The following ATRN variants were observed in gnomAD, a reference collection of about 807,000 sequenced individuals.
The protein encoded by ATRN is attractin.
A neutral mutation model predicts 178.7 loss-of-function variants in ATRN; 54 were observed. The observed-to-expected ratio is 0.30, with a 90% CI of 0.24 to 0.38. The LOEUF (loss-of-function observed/expected upper bound fraction) is 0.38, where lower values mean the gene tolerates loss of function less well. Ranked by LOEUF, ATRN falls within the 10% of genes least tolerant of loss-of-function variation. ATRN has a pLI of 1.00. For synonymous variants in ATRN, 636 were observed against 663.0 expected (o/e 0.96, Z 0.63); for missense variants, 1,443 against 1,815.1 (o/e 0.79, Z 3.73).
At chr20:3,497,163 T>C (rs1483724362) in intron 1 of ATRN, among the ~76,000 whole-genome samples, 1 of 148,672 alleles carries the variant, frequency 6.7e-6, no homozygotes, top group Non-Finnish European at 1.5e-5. Flanking sequence ...CCATTTACAT[T>C]TAAAGTTAAT....
chr20:3,526,135 G>A (rs2085361162), intron 1 of ATRN, among the ~76,000 whole-genome samples: 1 of 152,182 alleles, frequency 6.6e-6, no homozygotes, highest in African/African-American at 2.4e-5. Flanking sequence ...TGACATGATT[G>A]TATATTTAGA....
intron 1 of ATRN, among the ~76,000 whole-genome samples, chr20:3,527,922 G>T (rs2085392115): frequency 6.6e-6 from 1 of 151,934 alleles, no homozygotes; most frequent in Admixed American, 6.6e-5. Context: ...CTGTTGGGAG[G>T]GTGGGGGGCT....
At chr20:3,646,587 T>G (rs1311320821) in intron 28 of ATRN, 136 bp from the exon 29 acceptor site, 2 of 1,261,856 alleles carry the variant, frequency 1.6e-6, no homozygotes, top group East Asian at 2.6e-5. Flanking sequence ...TGTACCTTTT[T>G]GGGGGTTTTT....
chr20:3,512,737 G>A (rs915170573), intron 1 of ATRN, among the ~76,000 whole-genome samples: 1 of 152,198 alleles, frequency 6.6e-6, no homozygotes, highest in African/African-American at 2.4e-5. Context: ...GTATAAAAGT[G>A]TTCCTATTTC....
At chr20:3,497,895 G>A (rs1252522542) in intron 1 of ATRN, among the ~76,000 whole-genome samples, 6 of 151,762 alleles carry the variant, frequency 4.0e-5, no homozygotes, top group South Asian at 2.1e-4. Flanking sequence ...TTCCCTTCTC[G>A]CTTCATTTCA....
At chr20:3,598,785 G>A (rs2086566586) in intron 22 of ATRN, among the ~76,000 whole-genome samples, 1 of 152,122 alleles carries the variant, frequency 6.6e-6, no homozygotes, top group Non-Finnish European at 1.5e-5. Context: ...AAACATAATG[G>A]TAAATTATTT....
chr20:3,576,324 A>G (rs1426654374), intron 13 of ATRN, among the ~76,000 whole-genome samples: 1 of 152,202 alleles, frequency 6.6e-6, no homozygotes, highest in Non-Finnish European at 1.5e-5. Flanking sequence ...TGTGGAAATG[A>G]CAGACTTTGC....
chr20:3,471,215 C>T lies in ATRN; in HGVS notation c.108C>T (p.Thr36=), dbSNP rs1412164717. The part of the protein sequence containing the change: ...SGGPHWDWDV[T]RAGRPGLGAG... Reference sequence around the variant, plus strand: ...GGCCGCACTGGGACTGGGACGTGACCAGGGCTGGGAGGCCGGGGCTGGGGG... The same window carrying T: ...GGCCGCACTGGGACTGGGACGTGACTAGGGCTGGGAGGCCGGGGCTGGGGG... Residue 36 remains threonine (T), a synonymous_variant, in exon 1 of 29, where the codon ACC becomes ACT. Coordinates refer to ENST00000262919, the MANE Select transcript of ATRN (RefSeq NM_139321.3). The T allele has an allele frequency of 2.6e-5, 39 of 1,484,820 alleles. No homozygotes were observed. The highest frequency in any genetic ancestry group is 3.3e-5 in the Non-Finnish European group (37 of 1,125,236). 92.0% of individuals were successfully genotyped at this position (1,484,820 alleles called of 1,614,324 possible). A position where few individuals can be genotyped will look rare whatever the true frequency, so the allele number is the denominator to read the frequency against.
intron 1 of ATRN, among the ~76,000 whole-genome samples, chr20:3,530,139 A>G (rs2085431191): frequency 6.6e-6 from 1 of 150,906 alleles, no homozygotes; most frequent in South Asian, 2.1e-4. Flanking sequence ...AATAGCCATA[A>G]TCTTGTATGG....
intron 1 of ATRN, among the ~76,000 whole-genome samples, chr20:3,527,020 G>T (rs1474013322): frequency 2.6e-5 from 4 of 152,110 alleles, no homozygotes; most frequent in Non-Finnish European, 5.9e-5. Context: ...ATAGGTATGG[G>T]CAAAGACTTC....
At chr20:3,644,480 C>T (rs2087092808) in intron 28 of ATRN, among the ~76,000 whole-genome samples, 1 of 152,214 alleles carries the variant, frequency 6.6e-6, no homozygotes, top group African/African-American at 2.4e-5. Flanking sequence ...GGGGACGTCC[C>T]GGGACCTCCT....
intron 1 of ATRN, among the ~76,000 whole-genome samples, chr20:3,502,173 T>G (rs1442097059): frequency 6.6e-6 from 1 of 152,094 alleles, no homozygotes; most frequent in Non-Finnish European, 1.5e-5. Flanking sequence ...CAACTTAGTC[T>G]GGAATTCAAT....
In ATRN at chr20:3,479,208, A is replaced by G. The variant is rs562512476; in HGVS notation, c.410+7691A>G. ...ACCTGACCCCTATTATCTTCTTTTGAAATGAGTCATCTGCTAATTCACTTC... is the reference window on the plus strand; with the variant it reads ...ACCTGACCCCTATTATCTTCTTTTGGAATGAGTCATCTGCTAATTCACTTC... On this transcript the variant is annotated intron_variant, in intron 1 of 28. Transcript: ENST00000262919. Among the ~76,000 whole-genome samples, 320 of 152,276 alleles carry G rather than the reference A, an allele frequency of 2.1e-3. 2 individuals carry two copies. Among genetic ancestry groups the G allele is most frequent in the Non-Finnish European group, 4.0e-3 (270 of 68,018 alleles).
At chr20:3,544,826 G>GTTT (rs11481668) in intron 3 of ATRN, among the ~76,000 whole-genome samples, 13 of 138,656 alleles carry the variant, frequency 9.4e-5, no homozygotes, top group South Asian at 2.4e-4. Context: ...ACTCAGTAAG[G>GTTT]TTTTTTTTTT....
At chr20:3,509,301 C>T (rs2085090895) in intron 1 of ATRN, among the ~76,000 whole-genome samples, 1 of 152,122 alleles carries the variant, frequency 6.6e-6, no homozygotes, top group African/African-American at 2.4e-5. Context: ...GTATATCACA[C>T]TCTTAACCCA....
At chr20:3,594,647 C>G in intron 20 of ATRN, 75 bp downstream of exon 20, 1 of 1,223,460 alleles carries the variant, frequency 8.2e-7, no homozygotes, top group Non-Finnish European at 1.1e-6. Flanking sequence ...CCCTGAGAGC[C>G]ACCCACTTCC....
chr20:3,615,444 AT>A (rs2086830722), intron 24 of ATRN, among the ~76,000 whole-genome samples: 1 of 150,988 alleles, frequency 6.6e-6, no homozygotes, highest in African/African-American at 2.4e-5. Context: ...AAAAAAAAAA[AT>A]TTTTCTTTAT....
chr20:3,642,589 C>G (rs1230021754), intron 27 of ATRN, among the ~76,000 whole-genome samples: 1 of 152,092 alleles, frequency 6.6e-6, no homozygotes, highest in Non-Finnish European at 1.5e-5. Context: ...TGTCTCTCAC[C>G]TGGATTCTTG....
chr20:3,620,370 C>G (rs923618175), intron 24 of ATRN, among the ~76,000 whole-genome samples: 4 of 152,166 alleles, frequency 2.6e-5, no homozygotes, highest in Non-Finnish European at 5.9e-5. Flanking sequence ...CCTCAGCCCC[C>G]CAAGTAGCTG....
Sources: gnomAD v4.1 joint callset for allele counts (sites outside exome capture counted in the v4.1 genomes callset) on GRCh38, gnomAD v4.1.1 for gene constraint, MANE v1.5 for transcripts, NCBI Gene and HGNC (gene_info 2026-07-23, HGNC 2026-07-21) for gene names.